The following IFI16 variants were observed in gnomAD, a reference collection of about 807,000 sequenced individuals.
IFI16 encodes the protein gamma-interferon-inducible protein 16.
In IFI16, 49 loss-of-function variants were observed where a neutral mutation model predicts 68.4. The ratio of observed to expected loss-of-function variants is 0.72; its 90% CI spans 0.57 to 0.91. The LOEUF is 0.91. Among genes scored for constraint, IFI16 ranks in the 40% least tolerant of loss-of-function variants. The pLI, the probability that IFI16 is intolerant of heterozygous loss-of-function variation, is 0.00. For synonymous variants in IFI16, 307 were observed against 315.0 expected (o/e 0.97, Z 0.27); for missense variants, 878 against 942.9 (o/e 0.93, Z 0.90).
chr1:159,008,701 TA>T (rs753867015), upstream of IFI16, among the ~76,000 whole-genome samples: 38 of 152,154 alleles, frequency 2.5e-4, no homozygotes, highest in Non-Finnish European at 4.9e-4. Flanking sequence ...CTAAAGCCAG[TA>T]AAAGATTATC....
intron 6 of IFI16, among the ~76,000 whole-genome samples, chr1:159,024,992 GT>G (rs750351570): frequency 1.2e-4 from 17 of 146,950 alleles, no homozygotes; most frequent in South Asian, 6.5e-4. Flanking sequence ...CCAGGCTCGA[GT>G]TTTTTTTTTT....
At position 159,020,626 on chromosome 1, in the gene IFI16, C is replaced by T. The variant is rs185144982; in HGVS notation, c.1161+97C>T. 1.4e-5 allele frequency: 10 copies of T among 726,436 alleles called. No individual in the cohort carries two copies. In the East Asian group the frequency reaches 2.4e-4, roughly 18 times the overall value. 45.0% of individuals were successfully genotyped at this position (726,436 alleles called of 1,614,324 possible). On this transcript the variant is annotated intron_variant, in intron 6 of 11. Coordinates refer to ENST00000295809, the MANE Select transcript of IFI16 (RefSeq NM_001376587.1). ...GTTTGTAGGTTTTTTTTACAGAGTT[C>T]AGCGGGAGGCATGAGAAAACAGATA...
intron 5 of IFI16, 60 bp downstream of exon 5, chr1:159,018,711 G>C: frequency 8.6e-7 from 1 of 1,159,918 alleles, no homozygotes; most frequent in South Asian, 1.5e-5. Context: ...TAAAAGTCTT[G>C]ATGTGTGAGA....
chr1:159,018,497 T>G lies in IFI16; in HGVS notation c.818T>G (p.Val273Gly). ...DYLEYDSLLEVNEESTVSEAG... is the reference protein window; with the variant it reads ...DYLEYDSLLEGNEESTVSEAG... ...TTGGAATATGATAGTCTCCTAGAGGTCAATGAAGAATCTACTGTATCTGAA... is the reference window on the plus strand; with the variant it reads ...TTGGAATATGATAGTCTCCTAGAGGGCAATGAAGAATCTACTGTATCTGAA... The change falls in exon 5 of 12, where the codon GTC becomes GGC. Residue 273 changes from valine to glycine, a missense_variant. This residue lies in a region of IFI16 where 443 missense variants were observed against 421.8 expected (regional missense o/e 1.05). Coordinates refer to ENST00000295809, the MANE Select transcript of IFI16 (RefSeq NM_001376587.1). 1 of 1,613,994 alleles carries G rather than the reference T, an allele frequency of 6.2e-7. No individual in the cohort carries two copies. Among genetic ancestry groups the G allele is most frequent in the Non-Finnish European group, 8.5e-7 (1 of 1,179,912 alleles).
At chr1:159,046,785 C>T (rs538241178) in intron 8 of IFI16, among the ~76,000 whole-genome samples, 1 of 151,408 alleles carries the variant, frequency 6.6e-6, no homozygotes. Flanking sequence ...ATACCCTCCT[C>T]CCAGAATAGA....
rs556073032 is a variant in IFI16 at position 159,017,644 on chromosome 1, G to T, written c.550-585G>T. Among the ~76,000 whole-genome samples the T allele has an allele frequency of 5.9e-5, 9 of 151,968 alleles. No homozygotes were observed. In the South Asian group the frequency reaches 1.5e-3, roughly 25 times the overall value. ...TGTTGTTGAGACAGAGTCTCGCTCTGTCACCCAGGCTGAAGTGCCGTGGCA... is the reference window on the plus strand; with the variant it reads ...TGTTGTTGAGACAGAGTCTCGCTCTTTCACCCAGGCTGAAGTGCCGTGGCA... On this transcript the variant is annotated intron_variant, in intron 4 of 11. Coordinates refer to ENST00000295809, the MANE Select transcript of IFI16 (RefSeq NM_001376587.1).
chr1:159,034,941 T>C (rs1654232196), intron 7 of IFI16, among the ~76,000 whole-genome samples: 1 of 152,220 alleles, frequency 6.6e-6, no homozygotes, highest in South Asian at 2.1e-4. Context: ...TCAGCAGTGA[T>C]ATGACCCTTG....
intron 7 of IFI16, among the ~76,000 whole-genome samples, chr1:159,034,351 G>A (rs1194677111): frequency 1.3e-5 from 2 of 152,112 alleles, no homozygotes; most frequent in Non-Finnish European, 2.9e-5. Context: ...ATATTTACAA[G>A]GTATGCGTTC....
intron 7 of IFI16, among the ~76,000 whole-genome samples, chr1:159,040,757 G>T (rs1387997429): frequency 6.6e-6 from 1 of 152,132 alleles, no homozygotes; most frequent in Non-Finnish European, 1.5e-5. Flanking sequence ...ATTTACTAGG[G>T]TCTAGGCTCT....
At chr1:159,032,748 T>C in intron 7 of IFI16, 57 bp downstream of exon 7, 1 of 1,387,996 alleles carries the variant, frequency 7.2e-7, no homozygotes. Context: ...ACAGGGATCA[T>C]TAGACTGTTG....
At chr1:159,014,618 C>T (rs1652804075) in intron 1 of IFI16, 43 bp from the exon 2 acceptor site, 3 of 1,295,530 alleles carry the variant, frequency 2.3e-6, no homozygotes, top group African/African-American at 3.0e-5. Flanking sequence ...TTTAAATTGT[C>T]TGTATACATG....
chr1:159,042,474 A>G (rs2101900889), intron 7 of IFI16, among the ~76,000 whole-genome samples: 1 of 152,206 alleles, frequency 6.6e-6, no homozygotes, highest in South Asian at 2.1e-4. Flanking sequence ...ATCAGAGTTC[A>G]GTTTCCGTAT....
chr1:159,027,911 G>A (rs1415521649), intron 6 of IFI16, among the ~76,000 whole-genome samples: 1 of 151,856 alleles, frequency 6.6e-6, no homozygotes, highest in African/African-American at 2.4e-5. Context: ...TCTTTTCTTT[G>A]ATAATTTCAC....
upstream of IFI16, among the ~76,000 whole-genome samples, chr1:159,006,967 ATACTT>A (rs1296431952): frequency 6.6e-6 from 1 of 152,220 alleles, no homozygotes; most frequent in Non-Finnish European, 1.5e-5. Flanking sequence ...ATATAATAAT[ATACTT>A]TAATTTTAAT....
At chr1:159,028,641 T>C (rs116070174) in intron 6 of IFI16, among the ~76,000 whole-genome samples, 1,567 of 152,314 alleles carry the variant, frequency 0.01, 31 homozygotes, top group African/African-American at 0.035. Flanking sequence ...ATTATTGTGT[T>C]GCCATCTGTC....
intron 6 of IFI16, among the ~76,000 whole-genome samples, chr1:159,022,416 A>C (rs964297775): frequency 3.9e-5 from 6 of 152,222 alleles, no homozygotes; most frequent in Non-Finnish European, 8.8e-5. Flanking sequence ...GTTTTGCCAC[A>C]AGAGTATACG....
intron 4 of IFI16, among the ~76,000 whole-genome samples, chr1:159,017,086 T>G (rs184012157): frequency 6.6e-6 from 1 of 152,344 alleles, no homozygotes; most frequent in East Asian, 1.9e-4. Flanking sequence ...GCTCTTTTTC[T>G]TGTAGATTAA....
chr1:159,019,866 G>A (rs1653190424), intron 5 of IFI16, among the ~76,000 whole-genome samples: 1 of 152,072 alleles, frequency 6.6e-6, no homozygotes, highest in African/African-American at 2.4e-5. Context: ...TTCAGGAGGG[G>A]GTACAAATAT....
At chr1:159,003,515 T>C (rs1557857822), upstream of IFI16, among the ~76,000 whole-genome samples, 1 of 152,136 alleles carries the variant, frequency 6.6e-6, no homozygotes, top group Non-Finnish European at 1.5e-5. Context: ...TTGTGATTCT[T>C]AGGCTGGAAT....
Sources: allele counts gnomAD v4.1 joint callset (sites outside exome capture counted in the v4.1 genomes callset), GRCh38; gene constraint gnomAD v4.1.1; regional missense constraint gnomAD v4.1.1; transcripts MANE v1.5; gene names NCBI Gene and HGNC (gene_info 2026-07-23, HGNC 2026-07-21).